Variants in ALS2 observed in about 807,000 individuals in gnomAD.
ALS2 encodes the protein alsin Rho guanine nucleotide exchange factor ALS2.
ALS2 carries 117 observed loss-of-function variants against 203.4 expected under a neutral mutation model. The observed-to-expected ratio is 0.58, with a 90% confidence interval of 0.50 to 0.67. The LOEUF is 0.67. ALS2 is among the 30% of genes least tolerant of loss of function. The pLI is 0.00. For missense variants in ALS2, 1,715 were observed against 1,989.4 expected (o/e 0.86, Z 2.62); for synonymous variants, 718 against 725.9 (o/e 0.99, Z 0.17).
chr2:201,725,295 A>T (rs1691093821), intron 20 of ALS2, 61 bp downstream of exon 20: 2 of 1,417,438 alleles, frequency 1.4e-6, no homozygotes, highest in Non-Finnish European at 2.0e-6. Flanking sequence ...CTATGCAAAC[A>T]TTCAGGTTTA....
At chr2:201,737,095 C>A (rs995120861) in intron 12 of ALS2, among the ~76,000 whole-genome samples, 27 of 152,260 alleles carry the variant, frequency 1.8e-4, no homozygotes, top group African/African-American at 6.5e-4. Flanking sequence ...ATTCAACAAC[C>A]TCAGACCAAA....
chr2:201,767,404 G>A (rs897031125), intron 2 of ALS2, 21 bp from the exon 3 acceptor site: 1 of 1,612,394 alleles, frequency 6.2e-7, no homozygotes, highest in Non-Finnish European at 8.5e-7. Flanking sequence ...AAGAAACATA[G>A]CTTAATTGTT....
chr2:201,736,463 CAATT>C (rs1194105852), intron 12 of ALS2, among the ~76,000 whole-genome samples: 1 of 151,816 alleles, frequency 6.6e-6, no homozygotes, highest in Non-Finnish European at 1.5e-5. Context: ...GCTAAAGCAA[CAATT>C]AGAGGGAAAT....
chr2:201,758,597 G>A, intron 4 of ALS2, among the ~76,000 whole-genome samples: 1 of 152,068 alleles, frequency 6.6e-6, no homozygotes, highest in East Asian at 1.9e-4. Flanking sequence ...AAAAAGGAAG[G>A]TCATTAAATG....
At chr2:201,777,012 T>C (rs904466726) in intron 1 of ALS2, among the ~76,000 whole-genome samples, 1 of 152,224 alleles carries the variant, frequency 6.6e-6, no homozygotes, top group Non-Finnish European at 1.5e-5. Flanking sequence ...CTGGGATACT[T>C]GCATTCAAGG....
chr2:201,708,079 C>A (rs1689836137), intron 27 of ALS2, 88 bp from the exon 28 acceptor site: 4 of 1,278,614 alleles, frequency 3.1e-6, no homozygotes, highest in Non-Finnish European at 4.4e-6. Flanking sequence ...GTTATGAGAG[C>A]AAGCTTTATT....
chr2:201,780,562 G>C (rs546460470), intron 1 of ALS2, among the ~76,000 whole-genome samples: 15 of 152,296 alleles, frequency 9.8e-5, no homozygotes, highest in Non-Finnish European at 1.5e-4. Context: ...GCGGGAAGAG[G>C]GGGCTTGAAG....
At chr2:201,768,831 T>C in intron 2 of ALS2, 35 bp downstream of exon 2, 1 of 1,606,272 alleles carries the variant, frequency 6.2e-7, no homozygotes, top group Non-Finnish European at 8.5e-7. Context: ...TATGTTTTCC[T>C]AGGAGGATAA....
Position 201,738,755 on chromosome 2 carries a change from A to G in ALS2, c.2352-20T>C, listed in dbSNP as rs778701784. On this transcript the variant is annotated intron_variant, in intron 11 of 33. Transcript: ENST00000264276. ...CAATACCTTGAGCAGAAAAGAAAAC[A>G]CATGTACATTAGTTGAAATGTAAAT... 1.1e-5 allele frequency: 18 copies of G among 1,596,866 alleles called. No individual in the cohort carries two copies. Among genetic ancestry groups the G allele is most frequent in the East Asian group, 2.2e-5 (1 of 44,776 alleles).
chr2:201,753,921 C>A (rs553671629), intron 6 of ALS2, among the ~76,000 whole-genome samples: 118 of 152,268 alleles, frequency 7.7e-4, no homozygotes, highest in African/African-American at 2.7e-3. Flanking sequence ...TCCCAACACC[C>A]CTTTCTGTAC....
chr2:201,714,972 G>A (rs867720741), intron 25 of ALS2, among the ~76,000 whole-genome samples: 7 of 152,150 alleles, frequency 4.6e-5, no homozygotes, highest in East Asian at 1.9e-4. Context: ...GCCCACTTCC[G>A]TGATTGTGCC....
Position 201,727,690 on chromosome 2 carries a change from G to A in ALS2, c.2912+15C>T. On this transcript the variant is annotated intron_variant, in intron 16 of 33. Coordinates refer to ENST00000264276, the MANE Select transcript of ALS2 (RefSeq NM_020919.4). The stretch of plus-strand genomic sequence containing the variant: ...GACTTGGACGGGGTGGGGTGGGGAG[G>A]GGGGACGCACTTACACACCACCAGC... The A allele has an allele frequency of 1.3e-6, 2 of 1,549,920 alleles. No individual in the cohort carries two copies. The highest frequency in any genetic ancestry group is 1.7e-6 in the Non-Finnish European group (2 of 1,145,566).
At position 201,753,156 on chromosome 2, in the gene ALS2, G is replaced by A. The variant is rs752347979; in HGVS notation, c.1727C>T (p.Ala576Val). Reference sequence around the variant, plus strand: ...TAGTTTGCCTCCTACCTGGGATTTCGCAGTAAGTGCAAGAGAATGGTAACC... The same window carrying A: ...TAGTTTGCCTCCTACCTGGGATTTCACAGTAAGTGCAAGAGAATGGTAACC... ...AGGYHSLALT[A>V]KSQVYSWGSN... The change falls in exon 7 of 34, where the codon GCG becomes GTG. Residue 576 changes from alanine (A) to valine (V), a missense_variant. Ala to Val is a moderately conservative substitution (Grantham distance 64). Transcript: ENST00000264276. The A allele has an allele frequency of 3.7e-6, 6 of 1,613,820 alleles. No homozygotes were observed. Among genetic ancestry groups the A allele is most frequent in the East Asian group, 2.2e-5 (1 of 44,866 alleles).
chr2:201,713,694 A>G (rs1690187101), intron 25 of ALS2, among the ~76,000 whole-genome samples: 1 of 152,150 alleles, frequency 6.6e-6, no homozygotes, highest in African/African-American at 2.4e-5. Context: ...CTTTGCTGAT[A>G]CATTTGTTCT....
At chr2:201,727,796 G>A in intron 15 of ALS2, 21 bp from the exon 16 acceptor site, 1 of 1,550,644 alleles carries the variant, frequency 6.4e-7, no homozygotes, top group Non-Finnish European at 8.7e-7. Context: ...GAACACGGAG[G>A]CACTTTTATG....
chr2:201,726,231 A>C (rs536640797), intron 19 of ALS2, among the ~76,000 whole-genome samples: 194 of 152,318 alleles, frequency 1.3e-3, no homozygotes, highest in Non-Finnish European at 1.3e-3. Context: ...AATAGAAAAC[A>C]TAGCCCCATT....
chr2:201,759,618 C>T (rs1693634671), intron 4 of ALS2: 1 of 984,732 alleles, frequency 1.0e-6, no homozygotes, highest in Admixed American at 6.2e-5. Flanking sequence ...TTGCTTTGTT[C>T]AGACTTTATA....
At position 201,727,771 on chromosome 2, in the gene ALS2, G is replaced by C. The variant is rs1439110715; in HGVS notation, c.2846C>G (p.Ser949Cys). 1.3e-6 allele frequency: 2 copies of C among 1,551,692 alleles called. No homozygotes were observed. Among genetic ancestry groups the C allele is most frequent in the Admixed American group, 2.0e-5 (1 of 51,010 alleles). The change falls in exon 16 of 34, where the codon TCC (serine) becomes TGC (cysteine). Residue 949 changes from serine (S) to cysteine (C), a missense_variant. By Grantham distance (112) the Ser-to-Cys change is moderately radical (BLOSUM62 -1). This residue lies in a region of ALS2 where 1,227 missense variants were observed against 1,413.5 expected (regional missense o/e 0.87). Transcript: ENST00000264276. ...FNDALVHAQF[S>C]THHVFPLATL... ...GGCCAGAGGGAAAACATGGTGCGTG[G>C]AGAACTGAAACAGAGAACACGGAGG... is the stretch of plus-strand genomic sequence containing the variant.
At chr2:201,720,101 C>T (rs191146383) in intron 23 of ALS2, 8 of 417,914 alleles carry the variant, frequency 1.9e-5, no homozygotes, top group Admixed American at 1.8e-4. Context: ...GAACACTTCC[C>T]AACTTGTTCT....
Sources: allele counts gnomAD v4.1 joint callset (sites outside exome capture counted in the v4.1 genomes callset), GRCh38; gene constraint gnomAD v4.1.1; regional missense constraint gnomAD v4.1.1; transcripts MANE v1.5; gene names NCBI Gene and HGNC (gene_info 2026-07-23, HGNC 2026-07-21).